The following NUMB variants were observed in gnomAD, a reference collection of about 807,000 sequenced individuals.
The protein encoded by NUMB is NUMB endocytic adaptor protein, also known as protein numb homolog.
A neutral mutation model predicts 59.7 loss-of-function variants in NUMB; 29 were observed. That is an observed-to-expected ratio of 0.49 (90% confidence interval 0.36 to 0.66). The LOEUF is 0.66. Ranked by LOEUF, NUMB falls within the 30% of genes least tolerant of loss-of-function variation. NUMB has a pLI of 0.00. For missense variants in NUMB, 723 were observed against 822.0 expected, an observed-to-expected ratio of 0.88 and a Z score of 1.47; for synonymous variants, 288 against 288.2, an observed-to-expected ratio of 1.00 and a Z score of 0.01.
intron 5 of NUMB, among the ~76,000 whole-genome samples, chr14:73,318,583 CTTTT>C (rs1165098995): frequency 1.3e-5 from 2 of 152,118 alleles, no homozygotes; most frequent in East Asian, 3.9e-4. Flanking sequence ...GCCTTATACA[CTTTT>C]TTATGGAATT....
intron 2 of NUMB, among the ~76,000 whole-genome samples, chr14:73,384,410 G>A (rs1895394775): frequency 6.6e-6 from 1 of 151,982 alleles, no homozygotes; most frequent in African/African-American, 2.4e-5. Context: ...TTCTAAAAAT[G>A]CTTTCAGACA....
At chr14:73,339,871 T>C (rs953449821) in intron 4 of NUMB, among the ~76,000 whole-genome samples, 9 of 151,444 alleles carry the variant, frequency 5.9e-5, no homozygotes, top group African/African-American at 2.2e-4. Context: ...GGCAGAAGAG[T>C]GGAAAACCTT....
At chr14:73,290,291 A>C (rs900115700) in intron 8 of NUMB, among the ~76,000 whole-genome samples, 4 of 152,220 alleles carry the variant, frequency 2.6e-5, no homozygotes, top group African/African-American at 9.6e-5. Flanking sequence ...AAACCAATGA[A>C]GGACAGCTTA....
intron 1 of NUMB, among the ~76,000 whole-genome samples, chr14:73,443,521 G>C (rs1436534281): frequency 1.3e-5 from 2 of 151,872 alleles, no homozygotes; most frequent in Admixed American, 6.6e-5. Flanking sequence ...CTTGAACCTG[G>C]GAGGCAGAGG....
At position 73,355,803 on chromosome 14, in the gene NUMB, T is replaced by C. The variant is rs1893752193; in HGVS notation, c.-15-37A>G. The C allele has an allele frequency of 4.0e-6, 6 of 1,497,752 alleles. No individual in the cohort carries two copies. In the East Asian group the frequency reaches 1.1e-4, roughly 29 times the overall value. 92.8% of individuals were successfully genotyped at this position (1,497,752 alleles called of 1,614,324 possible). A position where few individuals can be genotyped will look rare whatever the true frequency, so the allele number is the denominator to read the frequency against. ...GGAAAAAAAATATTTAAAAGAAATATTACCTTCTTACATATTTAAACTTTG... is the reference window on the plus strand; with the variant it reads ...GGAAAAAAAATATTTAAAAGAAATACTACCTTCTTACATATTTAAACTTTG... On this transcript the variant is annotated intron_variant, in intron 3 of 12. Coordinates refer to ENST00000555238, the MANE Select transcript of NUMB (RefSeq NM_001005743.2).
chr14:73,291,624 T>C (rs1480793748), intron 8 of NUMB, among the ~76,000 whole-genome samples: 2 of 150,234 alleles, frequency 1.3e-5, no homozygotes, highest in African/African-American at 2.5e-5. Context: ...GTGATCTGCC[T>C]ACCTCGGCCT....
At position 73,447,209 on chromosome 14, in the gene NUMB, C is replaced by A. The variant is rs186571334; in HGVS notation, c.-233+11284G>T. Among the ~76,000 whole-genome samples, 485 of 150,678 alleles carry A rather than the reference C, an allele frequency of 3.2e-3. 1 individual carries two copies. The highest frequency in any genetic ancestry group is 0.011 in the African/African-American group (457 of 40,944). On this transcript the variant is annotated intron_variant, in intron 1 of 12. Coordinates refer to ENST00000555238, the MANE Select transcript of NUMB (RefSeq NM_001005743.2). ...TCAAAAAAAAAAAAACCAGCATAGG[C>A]CGGGTGCAGTGGCTCACGCCTGTAA...
At chr14:73,395,172 G>A (rs1387722340) in intron 2 of NUMB, among the ~76,000 whole-genome samples, 1 of 147,652 alleles carries the variant, frequency 6.8e-6, no homozygotes, top group Non-Finnish European at 1.5e-5. Flanking sequence ...ATTAGAATAG[G>A]TATTCATAAG....
At chr14:73,436,084 T>C (rs964683658) in intron 1 of NUMB, among the ~76,000 whole-genome samples, 6 of 152,068 alleles carry the variant, frequency 3.9e-5, no homozygotes, top group African/African-American at 1.4e-4. Context: ...TAAAATGACA[T>C]ATTGTGTCAC....
At chr14:73,354,827 CAA>C (rs10668811) in intron 4 of NUMB, among the ~76,000 whole-genome samples, 1 of 82,302 alleles carries the variant, frequency 1.2e-5, no homozygotes, top group Non-Finnish European at 2.2e-5. Context: ...GACTGTGCCT[CAA>C]AAAAAAAAAG....
At chr14:73,335,035 C>T (rs918784239) in intron 4 of NUMB, among the ~76,000 whole-genome samples, 1 of 151,678 alleles carries the variant, frequency 6.6e-6, no homozygotes, top group Non-Finnish European at 1.5e-5. Flanking sequence ...GGTCTCCCCA[C>T]TTTCTTATCT....
In NUMB at chr14:73,301,878, C is replaced by T. The variant is rs868371952; in HGVS notation, c.235-4593G>A. On this transcript the variant is annotated intron_variant, in intron 6 of 12. Transcript: ENST00000555238. ...GGTGGATCGCTTGAGGCCAGGAGTTCGAAACCAGCCTGGCCAACATGCTGA... is the reference window on the plus strand; with the variant it reads ...GGTGGATCGCTTGAGGCCAGGAGTTTGAAACCAGCCTGGCCAACATGCTGA... Among the ~76,000 whole-genome samples the T allele has an allele frequency of 5.9e-5, 9 of 152,012 alleles. No individual in the cohort carries two copies. The South Asian group carries it at 8.3e-4, about 14-fold the overall frequency.
rs56116167 is a variant in NUMB at position 73,293,393 on chromosome 14, CTTTTTTTT to C, written c.310-527_310-520del. 7.4e-4 allele frequency among the ~76,000 whole-genome samples: 71 copies of C among 95,572 alleles called. 1 individual carries two copies. The highest frequency in any genetic ancestry group is 6.0e-3 in the Middle Eastern group (1 of 166). The allele number at this position is 95,572 out of a possible 152,430, so 62.7% of individuals were successfully genotyped here. ...GTGGAATTTCCACTCGTTTCTTTTT[CTTTTTTTT>C]TTTTTTTTTTTGGACAGTCTCACTC... On this transcript the variant is annotated intron_variant, in intron 7 of 12. Transcript: ENST00000555238.
Position 73,403,168 on chromosome 14 carries a change from T to C in NUMB, c.-101+6769A>G, listed in dbSNP as rs1330336502. 2.0e-5 allele frequency among the ~76,000 whole-genome samples: 3 copies of C among 152,318 alleles called. No homozygotes were observed. In the East Asian group the frequency reaches 5.8e-4, roughly 29 times the overall value. On this transcript the variant is annotated intron_variant, in intron 2 of 12. Coordinates refer to ENST00000555238, the MANE Select transcript of NUMB (RefSeq NM_001005743.2). ...TGGCATAGTCTTTTTCCTTCTTCCTTGAATGTAGGTGGAAGGCTGGACCTG... is the reference window on the plus strand; with the variant it reads ...TGGCATAGTCTTTTTCCTTCTTCCTCGAATGTAGGTGGAAGGCTGGACCTG...
chr14:73,454,813 T>C (rs1362090544), intron 1 of NUMB, among the ~76,000 whole-genome samples: 1 of 152,202 alleles, frequency 6.6e-6, no homozygotes, highest in Admixed American at 6.5e-5. Flanking sequence ...GTAATCAAAC[T>C]GCTCAATGTT....
intron 3 of NUMB, among the ~76,000 whole-genome samples, chr14:73,366,531 C>A (rs952826504): frequency 6.6e-6 from 1 of 152,116 alleles, no homozygotes; most frequent in Non-Finnish European, 1.5e-5. Flanking sequence ...TCAATCTTTA[C>A]AATAACCCTG....
At chr14:73,301,860 C>T (rs1042513367) in intron 6 of NUMB, among the ~76,000 whole-genome samples, 4 of 152,100 alleles carry the variant, frequency 2.6e-5, no homozygotes, top group South Asian at 4.1e-4. Context: ...GCAGGTGGAT[C>T]GCTTGAGGCC....
intron 4 of NUMB, 32 bp from the exon 5 acceptor site, chr14:73,323,236 C>T: frequency 1.4e-6 from 2 of 1,443,756 alleles, no homozygotes; most frequent in Non-Finnish European, 1.9e-6. Flanking sequence ...AGGGCTATTG[C>T]TATGTTTACC....
intron 3 of NUMB, among the ~76,000 whole-genome samples, chr14:73,363,231 A>T (rs1363841343): frequency 6.6e-6 from 1 of 151,984 alleles, no homozygotes; most frequent in Non-Finnish European, 1.5e-5. Context: ...TGGGAGGTGG[A>T]GGTTGCAGTG....
Sources: gnomAD v4.1 joint callset for allele counts (sites outside exome capture counted in the v4.1 genomes callset) on GRCh38, gnomAD v4.1.1 for gene constraint, MANE v1.5 for transcripts, NCBI Gene and HGNC (gene_info 2026-07-23, HGNC 2026-07-21) for gene names.